FHIT: variants seen among roughly 807,000 people sequenced by gnomAD.
FHIT encodes bis(5'-adenosyl)-triphosphatase.
FHIT carries 19 observed loss-of-function variants against 17.9 expected under a neutral mutation model. The ratio of observed to expected loss-of-function variants is 1.06; its 90% CI spans 0.74 to 1.56. The LOEUF (loss-of-function observed/expected upper bound fraction) is 1.56, where lower values mean the gene tolerates loss of function less well. Ranked by LOEUF, FHIT falls within the 40% of genes most tolerant of loss-of-function variation. The pLI is 0.00. For missense variants in FHIT, 248 were observed against 189.2 expected, an observed-to-expected ratio of 1.31 and a Z score of -1.82; for synonymous variants, 81 against 69.7, an observed-to-expected ratio of 1.16 and a Z score of -0.81.
intron 8 of FHIT, among the ~76,000 whole-genome samples, chr3:59,898,410 C>T (rs1450812051): frequency 1.3e-5 from 2 of 151,400 alleles, no homozygotes; most frequent in African/African-American, 2.4e-5. Flanking sequence ...TAGTATTTCA[C>T]CATATTTGTA....
At chr3:60,425,027 T>A (rs1702611623) in intron 5 of FHIT, among the ~76,000 whole-genome samples, 2 of 152,100 alleles carry the variant, frequency 1.3e-5, no homozygotes, top group Admixed American at 1.3e-4. Flanking sequence ...TGGGAGCCTT[T>A]CTGAGACACA....
intron 5 of FHIT, among the ~76,000 whole-genome samples, chr3:60,221,587 T>C (rs1703962715): frequency 6.6e-6 from 1 of 152,208 alleles, no homozygotes; most frequent in Non-Finnish European, 1.5e-5. Flanking sequence ...GGCTCCTTCA[T>C]GCGGTGGCTG....
At chr3:59,892,037 A>C (rs1415499652) in intron 8 of FHIT, among the ~76,000 whole-genome samples, 4 of 152,252 alleles carry the variant, frequency 2.6e-5, no homozygotes, top group African/African-American at 9.6e-5. Flanking sequence ...ATTTGATGTA[A>C]AATAATAGTC....
chr3:59,909,914 T>G (rs771584601), intron 8 of FHIT, among the ~76,000 whole-genome samples: 4 of 152,244 alleles, frequency 2.6e-5, no homozygotes, highest in Non-Finnish European at 5.9e-5. Flanking sequence ...AACAGGAGTG[T>G]AACATTCTAT....
intron 4 of FHIT, among the ~76,000 whole-genome samples, chr3:60,557,687 A>G (rs2036789006): frequency 6.6e-6 from 1 of 151,994 alleles, no homozygotes; most frequent in Admixed American, 6.6e-5. Flanking sequence ...TATGCCAGTT[A>G]CTAAGGGTAA....
At chr3:60,710,832 C>T (rs1318924604) in intron 4 of FHIT, among the ~76,000 whole-genome samples, 3 of 152,212 alleles carry the variant, frequency 2.0e-5, no homozygotes, top group Non-Finnish European at 2.9e-5. Flanking sequence ...GTAGGCTCCA[C>T]CTCTGGGGGC....
At chr3:59,776,978 A>C (rs1455443174) in intron 8 of FHIT, among the ~76,000 whole-genome samples, 1 of 152,128 alleles carries the variant, frequency 6.6e-6, no homozygotes, top group Non-Finnish European at 1.5e-5. Flanking sequence ...CACATGGAAT[A>C]AAATCTAAAC....
chr3:60,058,134 T>TG lies in FHIT; in HGVS notation c.104-43983_104-43982insC, dbSNP rs1236190402. Among the ~76,000 whole-genome samples the TG allele has an allele frequency of 1.7e-3, 163 of 98,180 alleles. 1 individual carries two copies. The highest frequency in any genetic ancestry group is 6.2e-3 in the African/African-American group (154 of 24,888). The allele number at this position is 98,180 out of a possible 152,430, so 64.4% of individuals were successfully genotyped here. On this transcript the variant is annotated intron_variant, in intron 5 of 9. Transcript: ENST00000492590. The stretch of plus-strand genomic sequence containing the variant: ...GTATAATGAGTACAGAGTTGTGTTT[T>TG]TTTTTTTTTTTTTTTTTTTTTTTTG...
At chr3:59,812,180 C>A (rs1280359503) in intron 8 of FHIT, among the ~76,000 whole-genome samples, 1 of 152,158 alleles carries the variant, frequency 6.6e-6, no homozygotes, top group African/African-American at 2.4e-5. Flanking sequence ...ACACGACAGT[C>A]ACTCCTCAAC....
intron 5 of FHIT, among the ~76,000 whole-genome samples, chr3:60,470,058 TTCTC>T (rs796525437): frequency 1.3e-4 from 18 of 142,930 alleles, no homozygotes; most frequent in South Asian, 4.7e-4. Flanking sequence ...CTCTCTTTCT[TTCTC>T]TCTCTCTCTC....
chr3:60,081,288 A>T (rs1431636111), intron 5 of FHIT, among the ~76,000 whole-genome samples: 1 of 152,050 alleles, frequency 6.6e-6, no homozygotes, highest in East Asian at 1.9e-4. Context: ...TGCATATTAA[A>T]ATTTAAGATC....
intron 3 of FHIT, among the ~76,000 whole-genome samples, chr3:60,974,372 G>A (rs1190856643): frequency 6.6e-6 from 1 of 152,146 alleles, no homozygotes; most frequent in Non-Finnish European, 1.5e-5. Flanking sequence ...TCAGAAATGA[G>A]CATGTGATCT....
chr3:60,276,386 G>C (rs1707139180), intron 5 of FHIT, among the ~76,000 whole-genome samples: 1 of 152,120 alleles, frequency 6.6e-6, no homozygotes, highest in South Asian at 2.1e-4. Flanking sequence ...AAAAGACCAG[G>C]CATTCACACA....
At chr3:60,246,329 A>T (rs562749189) in intron 5 of FHIT, among the ~76,000 whole-genome samples, 5 of 152,056 alleles carry the variant, frequency 3.3e-5, no homozygotes, top group Non-Finnish European at 7.4e-5. Flanking sequence ...TATTTCCAGG[A>T]GGGGAAAAAT....
intron 5 of FHIT, among the ~76,000 whole-genome samples, chr3:60,533,784 A>G (rs1452364722): frequency 6.6e-6 from 1 of 152,240 alleles, no homozygotes; most frequent in East Asian, 1.9e-4. Context: ...GAAGGTCCTT[A>G]AAAACTATTC....
chr3:60,908,088 C>T (rs1706528976), intron 3 of FHIT, among the ~76,000 whole-genome samples: 1 of 152,192 alleles, frequency 6.6e-6, no homozygotes, highest in Non-Finnish European at 1.5e-5. Context: ...CTTATGATTA[C>T]ATGCAACTGA....
At chr3:59,766,997 T>G (rs1701827854) in intron 8 of FHIT, among the ~76,000 whole-genome samples, 1 of 152,178 alleles carries the variant, frequency 6.6e-6, no homozygotes, top group Non-Finnish European at 1.5e-5. Context: ...CAAAATTAAA[T>G]TTCTTTTAAA....
In FHIT at chr3:60,812,184, T is replaced by A. The variant is rs868985542; in HGVS notation, c.-18+9735A>T. On this transcript the variant is annotated intron_variant, in intron 4 of 9. Transcript: ENST00000492590. ...ATTGGAAATACAGACTCTTTTTTTT[T>A]TTTTTTTGAGACAGAGTCTGGCTGT... 2.6e-5 allele frequency among the ~76,000 whole-genome samples: 4 copies of A among 151,922 alleles called. No individual in the cohort carries two copies. In the South Asian group the frequency reaches 6.3e-4, roughly 24 times the overall value.
chr3:60,748,915 GA>G (rs1236947390), intron 4 of FHIT, among the ~76,000 whole-genome samples: 1 of 152,024 alleles, frequency 6.6e-6, no homozygotes, highest in Admixed American at 6.5e-5. Flanking sequence ...AATGACAAGA[GA>G]AAAAAGTCTA....
Sources: gnomAD v4.1 joint callset for allele counts (sites outside exome capture counted in the v4.1 genomes callset) on GRCh38, gnomAD v4.1.1 for gene constraint, MANE v1.5 for transcripts, NCBI Gene and HGNC (gene_info 2026-07-23, HGNC 2026-07-21) for gene names.